RADIL: variants seen among roughly 807,000 people sequenced by gnomAD.
The protein encoded by RADIL is ras-associating and dilute domain-containing protein.
In RADIL, 99 loss-of-function variants were observed where a neutral mutation model predicts 97.6. The ratio of observed to expected loss-of-function variants is 1.01; its 90% CI spans 0.86 to 1.20. The LOEUF (loss-of-function observed/expected upper bound fraction) is 1.20, where lower values mean the gene tolerates loss of function less well. Among genes scored for constraint, RADIL ranks in the 50% most tolerant of loss-of-function variants. The pLI is 0.00. For synonymous variants in RADIL, 803 were observed against 691.8 expected, an observed-to-expected ratio of 1.16 and a Z score of -2.52; for missense variants, 1,765 against 1,498.9, an observed-to-expected ratio of 1.18 and a Z score of -2.93.
chr7:4,874,542 C>T (rs913403466), intron 2 of RADIL, among the ~76,000 whole-genome samples: 9 of 152,230 alleles, frequency 5.9e-5, no homozygotes, highest in African/African-American at 2.2e-4. Context: ...TGGGCCACAG[C>T]CAGAGAAGGT....
chr7:4,832,089 G>A, intron 5 of RADIL, 52 bp downstream of exon 5: 1 of 1,595,752 alleles, frequency 6.3e-7, no homozygotes, highest in Non-Finnish European at 8.6e-7. Flanking sequence ...GGAAGTGTGA[G>A]CCCCCAGGAC....
chr7:4,821,736 A>G lies in RADIL; in HGVS notation c.1615+658T>C, dbSNP rs1291175719. Among the ~76,000 whole-genome samples, 1 of 152,010 alleles carries G rather than the reference A, an allele frequency of 6.6e-6. No individual in the cohort carries two copies. The highest frequency in any genetic ancestry group is 1.5e-5 in the Non-Finnish European group (1 of 68,008). On this transcript the variant is annotated intron_variant, in intron 6 of 14. Coordinates refer to ENST00000399583, the MANE Select transcript of RADIL (RefSeq NM_018059.5). The surrounding 1 kb of genome is among the most constrained non-coding windows in gnomAD (Gnocchi z 5.2). ...CCGGGCGAGGTGGCATGCTCCTGTA[A>G]TCCCAGGTACTCGGGAGGCTGAGGC...
chr7:4,842,005 C>T lies in RADIL; in HGVS notation c.536-5400G>A, dbSNP rs1008087706. On this transcript the variant is annotated intron_variant, in intron 2 of 14. Coordinates refer to ENST00000399583, the MANE Select transcript of RADIL (RefSeq NM_018059.5). The surrounding 1 kb of genome is among the most constrained non-coding windows in gnomAD (Gnocchi z 4.5). ...AGGAGGTCGAGGCTGCAGTGAGCTA[C>T]GATCACGCCACCGCACTCCAGCCTG... Among the ~76,000 whole-genome samples, 21 of 151,368 alleles carry T rather than the reference C, an allele frequency of 1.4e-4. No homozygotes were observed. The highest frequency in any genetic ancestry group is 2.5e-4 in the Non-Finnish European group (17 of 67,936).
intron 4 of RADIL, among the ~76,000 whole-genome samples, chr7:4,832,678 G>C (rs1054350994): frequency 1.7e-4 from 25 of 148,248 alleles, no homozygotes; most frequent in African/African-American, 6.0e-4. Flanking sequence ...GGCAGAGGTT[G>C]CAGTGAGACG....
chr7:4,815,158 C>A lies in RADIL; in HGVS notation c.2139+120G>T. On this transcript the variant is annotated intron_variant, in intron 9 of 14. Transcript: ENST00000399583. The surrounding 1 kb of genome is among the most constrained non-coding windows in gnomAD (Gnocchi z 8.0). ...CAACTTTTCTGATTACCTACGGTAG[C>A]TTTGAGGTTTCCAGCCAAGAAGCCC... is the stretch of plus-strand genomic sequence containing the variant. The A allele has an allele frequency of 8.0e-7, 1 of 1,253,460 alleles. No individual in the cohort carries two copies. Among genetic ancestry groups the A allele is most frequent in the East Asian group, 2.6e-5 (1 of 38,022 alleles). 77.6% of individuals were successfully genotyped at this position (1,253,460 alleles called of 1,614,324 possible).
chr7:4,807,382 T>A (rs1782346415), intron 9 of RADIL, among the ~76,000 whole-genome samples: 1 of 151,972 alleles, frequency 6.6e-6, no homozygotes, highest in Non-Finnish European at 1.5e-5. Flanking sequence ...CCTAGAACCT[T>A]CTCTACTCTC....
rs1784444254 is a variant in RADIL, at chr7:4,879,616, C to T, written c.-64-1413G>A. On this transcript the variant is annotated intron_variant, in intron 1 of 14. Transcript: ENST00000399583. The surrounding 1 kb of genome is among the most constrained non-coding windows in gnomAD (Gnocchi z 4.1). ...CAGTACTAAACACCGCAGCAGCCAA[C>T]TGTCACTGTCCAGGCTTGACTCACT... Among the ~76,000 whole-genome samples the T allele has an allele frequency of 6.6e-6, 1 of 152,206 alleles. No individual in the cohort carries two copies. Among genetic ancestry groups the T allele is most frequent in the African/African-American group, 2.4e-5 (1 of 41,456 alleles).
At chr7:4,882,583 A>G (rs1012989074) in intron 1 of RADIL, among the ~76,000 whole-genome samples, 2 of 152,238 alleles carry the variant, frequency 1.3e-5, no homozygotes, top group Admixed American at 6.5e-5. Flanking sequence ...CTGCTCCAAC[A>G]GGACAATGTG....
chr7:4,835,286 C>T lies in RADIL; in HGVS notation c.784-47G>A, dbSNP rs371869698. The T allele has an allele frequency of 3.8e-6, 6 of 1,585,224 alleles. No homozygotes were observed. Among genetic ancestry groups the T allele is most frequent in the Middle Eastern group, 1.7e-4 (1 of 6,014 alleles). On this transcript the variant is annotated intron_variant, in intron 3 of 14. Coordinates refer to ENST00000399583, the MANE Select transcript of RADIL (RefSeq NM_018059.5). The surrounding 1 kb of genome is among the most constrained non-coding windows in gnomAD (Gnocchi z 5.8). ...GGGCAGGCGTAACGCGAGCAGCACA[C>T]GGGAAAAGCGTCCCGTGTCTAGTCA... is the stretch of plus-strand genomic sequence containing the variant.
chr7:4,802,064 G>A, intron 11 of RADIL, 69 bp from the exon 12 acceptor site: 2 of 1,305,902 alleles, frequency 1.5e-6, no homozygotes, highest in South Asian at 3.2e-5. Flanking sequence ...GGGCAACTGG[G>A]CAGCCTGCAG....
Position 4,797,239 on chromosome 7 carries a change from C to T in RADIL, c.*2139G>A, listed in dbSNP as rs1362821211. On this transcript the variant is annotated 3_prime_UTR_variant, in exon 15 of 15. Coordinates refer to ENST00000399583, the MANE Select transcript of RADIL (RefSeq NM_018059.5). ...CTTCAGCGGCCAGAGGCTAGCTGGGCCTCCCCGACTCCACGGGGCCTCCCT... is the reference window on the plus strand; with the variant it reads ...CTTCAGCGGCCAGAGGCTAGCTGGGTCTCCCCGACTCCACGGGGCCTCCCT... 6.6e-6 allele frequency: 1 copy of T among 152,264 alleles called. No homozygotes were observed. 9.4% of individuals were successfully genotyped at this position (152,264 alleles called of 1,614,324 possible). A position where few individuals can be genotyped will look rare whatever the true frequency, so the allele number is the denominator to read the frequency against.
chr7:4,825,883 G>GAA (rs540147941), intron 5 of RADIL, among the ~76,000 whole-genome samples: 1,268 of 50,958 alleles, frequency 0.025, 25 homozygotes, highest in Non-Finnish European at 0.028. Context: ...CTCCGTCTCA[G>GAA]AAAAAAAAAA....
At chr7:4,830,732 C>T (rs761198095) in intron 5 of RADIL, among the ~76,000 whole-genome samples, 3 of 151,904 alleles carry the variant, frequency 2.0e-5, no homozygotes, top group South Asian at 2.1e-4. Context: ...ACAAAATTAG[C>T]GGCTGGGCGC....
chr7:4,880,363 A>G lies in RADIL; in HGVS notation c.-64-2160T>C, dbSNP rs1160420378. 6.6e-6 allele frequency among the ~76,000 whole-genome samples: 1 copy of G among 152,198 alleles called. No individual in the cohort carries two copies. The highest frequency in any genetic ancestry group is 1.5e-5 in the Non-Finnish European group (1 of 68,036). On this transcript the variant is annotated intron_variant, in intron 1 of 14. Transcript: ENST00000399583. This position sits in a 1 kb window ranked among gnomAD's most constrained non-coding sequence, Gnocchi z 4.5. ...ATTTACAACAAAAGCATTTTCAGAC[A>G]GTGCTCACATCACAAACGTGCGGCC...
rs4724134 is a variant in RADIL, at chr7:4,879,095, G to A, written c.-64-892C>T. Among the ~76,000 whole-genome samples, 57,857 of 152,148 alleles carry A rather than the reference G, an allele frequency of 0.38. 11,418 individuals carry two copies. Among genetic ancestry groups the A allele is most frequent in the South Asian group, 0.47 (2,292 of 4,826 alleles). ...CAGCACTGAGTGGCCTCGCAAGCAC[G>A]GCGGGCACAAAGGGCCCCTCTCGAG... On this transcript the variant is annotated intron_variant, in intron 1 of 14. Transcript: ENST00000399583. The surrounding 1 kb of genome is among the most constrained non-coding windows in gnomAD (Gnocchi z 4.1).
Position 4,849,284 on chromosome 7 carries a change from C to T in RADIL, c.536-12679G>A, listed in dbSNP as rs1336589809. ...TTTAATCGGTAATGAGAAACTATTG[C>T]TTTAACTGTGCACATATATATATAA... On this transcript the variant is annotated intron_variant, in intron 2 of 14. Transcript: ENST00000399583. This position sits in a 1 kb window ranked among gnomAD's most constrained non-coding sequence, Gnocchi z 5.4. Among the ~76,000 whole-genome samples, 1 of 152,128 alleles carries T rather than the reference C, an allele frequency of 6.6e-6. No homozygotes were observed. The highest frequency in any genetic ancestry group is 2.4e-5 in the African/African-American group (1 of 41,408).
chr7:4,872,774 T>C lies in RADIL; in HGVS notation c.535+4831A>G, dbSNP rs909417937. 6.6e-6 allele frequency among the ~76,000 whole-genome samples: 1 copy of C among 152,000 alleles called. No individual in the cohort carries two copies. Among genetic ancestry groups the C allele is most frequent in the Non-Finnish European group, 1.5e-5 (1 of 67,986 alleles). ...GTGCATTTCTACAGGGGGGTAGCAG[T>C]GAACTAAGTGATGAGTGAACCGGCA... On this transcript the variant is annotated intron_variant, in intron 2 of 14. Transcript: ENST00000399583. The surrounding 1 kb of genome is among the most constrained non-coding windows in gnomAD (Gnocchi z 5.8).
At chr7:4,848,904 C>T (rs1471385960) in intron 2 of RADIL, among the ~76,000 whole-genome samples, 2 of 152,050 alleles carry the variant, frequency 1.3e-5, no homozygotes, top group Admixed American at 6.6e-5. Context: ...TTTGGGAGGC[C>T]GAGGCGGGCA....
At chr7:4,805,398 A>C in intron 10 of RADIL, 168 bp downstream of exon 10, 1 of 737,100 alleles carries the variant, frequency 1.4e-6, no homozygotes, top group Non-Finnish European at 1.9e-6. Flanking sequence ...CAGGTTGGGG[A>C]TGGGGCGGGG....
Sources: gnomAD v4.1 joint callset for allele counts (sites outside exome capture counted in the v4.1 genomes callset) on GRCh38, gnomAD v4.1.1 for gene constraint, Gnocchi (gnomAD v3.1) non-coding constraint, MANE v1.5 for transcripts, NCBI Gene and HGNC (gene_info 2026-07-23, HGNC 2026-07-21) for gene names.